TRPV4: variants seen among roughly 807,000 people sequenced by gnomAD.
The protein encoded by TRPV4 is transient receptor potential cation channel subfamily V member 4.
A neutral mutation model predicts 84.1 loss-of-function variants in TRPV4; 58 were observed. That is an observed-to-expected ratio of 0.69 (90% CI 0.56 to 0.86). The LOEUF is 0.86. Among genes scored for constraint, TRPV4 ranks in the 40% least tolerant of loss-of-function variants. TRPV4 has a pLI of 0.00. For synonymous variants in TRPV4, 489 were observed against 500.9 expected, an observed-to-expected ratio of 0.98 and a Z score of 0.32; for missense variants, 879 against 1,181.1, an observed-to-expected ratio of 0.74 and a Z score of 3.75.
chr12:109,786,635 G>T lies in TRPV4; in HGVS notation c.2336+75C>A. On this transcript the variant is annotated intron_variant, in intron 14 of 15. Coordinates refer to ENST00000261740, the MANE Select transcript of TRPV4 (RefSeq NM_021625.5). This position sits in a 1 kb window ranked among gnomAD's most constrained non-coding sequence, Gnocchi z 4.5. Reference sequence around the variant, plus strand: ...CCAGAAATTGCAATGGGTAGACGACGCTGGAGCAGCAGGGGCCCCGAGCCA... The same window carrying T: ...CCAGAAATTGCAATGGGTAGACGACTCTGGAGCAGCAGGGGCCCCGAGCCA... The T allele has an allele frequency of 6.3e-7, 1 of 1,590,506 alleles. No individual in the cohort carries two copies. The highest frequency in any genetic ancestry group is 8.6e-7 in the Non-Finnish European group (1 of 1,167,050).
In TRPV4 at chr12:109,802,766, T is replaced by A. The variant is rs1592845787; in HGVS notation, c.712+225A>T. Among the ~76,000 whole-genome samples the A allele has an allele frequency of 2.0e-5, 3 of 152,264 alleles. No homozygotes were observed. The South Asian group carries it at 6.2e-4, about 32-fold the overall frequency. Reference sequence around the variant, plus strand: ...CCACCGCACCCAGTGGAATCTTCTATTCTGAAACTCGAAACAAAGTTGGAA... The same window carrying A: ...CCACCGCACCCAGTGGAATCTTCTAATCTGAAACTCGAAACAAAGTTGGAA... On this transcript the variant is annotated intron_variant, in intron 4 of 15. Coordinates refer to ENST00000261740, the MANE Select transcript of TRPV4 (RefSeq NM_021625.5).
rs545350094 is a variant in TRPV4, at chr12:109,787,659, G to A, written c.2208+741C>T. ...AATGAAGTAAGCAATATAGATAAAGGTTAAGAGCAGGCCAGAGCTGTTTCC... is the reference window on the plus strand; with the variant it reads ...AATGAAGTAAGCAATATAGATAAAGATTAAGAGCAGGCCAGAGCTGTTTCC... On this transcript the variant is annotated intron_variant, in intron 13 of 15. Coordinates refer to ENST00000261740, the MANE Select transcript of TRPV4 (RefSeq NM_021625.5). Among the ~76,000 whole-genome samples the A allele has an allele frequency of 2.6e-5, 4 of 152,294 alleles. No homozygotes were observed. The South Asian group carries it at 8.3e-4, about 32-fold the overall frequency.
At chr12:109,830,511 A>C (rs373933609) in intron 1 of TRPV4, among the ~76,000 whole-genome samples, 20 of 152,350 alleles carry the variant, frequency 1.3e-4, no homozygotes, top group East Asian at 3.9e-4. Flanking sequence ...ACTTATCTCA[A>C]GAGATCGGAA....
At chr12:109,830,738 G>A (rs550033601) in intron 1 of TRPV4, among the ~76,000 whole-genome samples, 14 of 152,310 alleles carry the variant, frequency 9.2e-5, no homozygotes, top group African/African-American at 3.4e-4. Flanking sequence ...TCAAGGGCCT[G>A]CATGGAGTAG....
Position 109,788,565 on chromosome 12 carries a change from G to A in TRPV4, c.2043C>T (p.Gly681=), listed in dbSNP as rs375633647. 443 of 1,614,244 alleles carry A rather than the reference G, an allele frequency of 2.7e-4. 1 individual carries two copies. Among genetic ancestry groups the A allele is most frequent in the Middle Eastern group, 3.3e-4 (2 of 6,062 alleles). The stretch of plus-strand genomic sequence containing the variant: ...TGGTGCTGCTCAGCATCTCCAGGTC[G>A]CCCATGCCGATGGTCAGCTTAAACA... The part of the protein sequence containing the change: ...LDLFKLTIGM[G]DLEMLSSTKY... The change falls in exon 13 of 16, where the codon GGC becomes GGT. Residue 681 remains glycine, a synonymous_variant. Coordinates refer to ENST00000261740, the MANE Select transcript of TRPV4 (RefSeq NM_021625.5).
At chr12:109,820,970 G>A (rs1292701567) in intron 1 of TRPV4, among the ~76,000 whole-genome samples, 6 of 152,204 alleles carry the variant, frequency 3.9e-5, no homozygotes, top group Non-Finnish European at 8.8e-5. Context: ...AAAGGCGGTG[G>A]AGGTCTCTGG....
At chr12:109,823,691 T>A (rs1892172986) in intron 1 of TRPV4, among the ~76,000 whole-genome samples, 1 of 151,650 alleles carries the variant, frequency 6.6e-6, no homozygotes, top group Admixed American at 6.6e-5. Context: ...AGAGTCCTTT[T>A]TTGGGGTGAT....
rs140010635 is a variant in TRPV4 at position 109,786,586 on chromosome 12, G to A, written c.2336+124C>T. ...CGCCTGGTGGAAATGAACTCTGCTCGGGCCTCTTGGGGCCTCAGTGGCTCC... is the reference window on the plus strand; with the variant it reads ...CGCCTGGTGGAAATGAACTCTGCTCAGGCCTCTTGGGGCCTCAGTGGCTCC... On this transcript the variant is annotated intron_variant, in intron 14 of 15. Coordinates refer to ENST00000261740, the MANE Select transcript of TRPV4 (RefSeq NM_021625.5). This position sits in a 1 kb window ranked among gnomAD's most constrained non-coding sequence, Gnocchi z 4.5. 924 of 1,276,308 alleles carry A rather than the reference G, an allele frequency of 7.2e-4. 5 individuals are homozygous for A. The African/African-American group carries it at 0.012, about 17-fold the overall frequency. 79.1% of individuals were successfully genotyped at this position (1,276,308 alleles called of 1,614,324 possible).
intron 13 of TRPV4, 43 bp downstream of exon 13, chr12:109,788,357 G>T: frequency 6.3e-7 from 1 of 1,588,990 alleles, no homozygotes; most frequent in South Asian, 1.1e-5. Context: ...TCGGAAGGAC[G>T]AGGGTGGCTG....
In TRPV4 at chr12:109,814,569, G is replaced by A. The variant is rs756080811; in HGVS notation, c.228C>T (p.Arg76=). 3 of 1,614,104 alleles carry A rather than the reference G, an allele frequency of 1.9e-6. No homozygotes were observed. The South Asian group carries it at 3.3e-5, about 18-fold the overall frequency. The change falls in exon 2 of 16, where the codon CGC becomes CGT. Residue 76 remains arginine, a synonymous_variant. Coordinates refer to ENST00000261740, the MANE Select transcript of TRPV4 (RefSeq NM_021625.5). This position sits in a 1 kb window ranked among gnomAD's most constrained non-coding sequence, Gnocchi z 5.4. ...GATCGATGGGGTTGGGCACCCCCTT[G>A]CGGAAGGCGCCCTGGAACTTCATGC... ...NLRMKFQGAF[R]KGVPNPIDLL...
chr12:109,827,678 AC>A (rs1892297597), intron 1 of TRPV4, among the ~76,000 whole-genome samples: 1 of 151,740 alleles, frequency 6.6e-6, no homozygotes, highest in Non-Finnish European at 1.5e-5. Flanking sequence ...ACACACATGC[AC>A]ACATAGACAT....
Position 109,831,966 on chromosome 12 carries a change from T to C in TRPV4, c.-32+1384A>G, listed in dbSNP as rs557649443. On this transcript the variant is annotated intron_variant, in intron 1 of 15. Transcript: ENST00000261740. ...ACTAGAGAAATGTGGAAATGGCCAA[T>C]TGACTTTTTTCACCCTCTTTGTTAA... Among the ~76,000 whole-genome samples the C allele has an allele frequency of 2.1e-4, 32 of 152,346 alleles. 1 individual carries two copies. The highest frequency in any genetic ancestry group is 7.5e-4 in the African/African-American group (31 of 41,586).
chr12:109,789,350 G>A (rs1889896172), intron 12 of TRPV4, among the ~76,000 whole-genome samples: 1 of 152,120 alleles, frequency 6.6e-6, no homozygotes. Flanking sequence ...AATAGTGTTG[G>A]GAAATCCTAA....
Position 109,783,521 on chromosome 12 carries a change from G to A in TRPV4, c.*100C>T. ...CACCTCCACTGGTCCCTCGCCTCTG[G>A]GGCCAAAGCAGGGTGTGGGGGGACA... On this transcript the variant is annotated 3_prime_UTR_variant, in exon 16 of 16. Transcript: ENST00000261740. The surrounding 1 kb of genome is among the most constrained non-coding windows in gnomAD (Gnocchi z 4.6). 1 of 1,492,756 alleles carries A rather than the reference G, an allele frequency of 6.7e-7. No individual in the cohort carries two copies. The allele number at this position is 1,492,756 out of a possible 1,614,324, so 92.5% of individuals were successfully genotyped here. A position where few individuals can be genotyped will look rare whatever the true frequency, so the allele number is the denominator to read the frequency against.
intron 6 of TRPV4, among the ~76,000 whole-genome samples, chr12:109,797,608 T>C (rs1222181999): frequency 6.6e-6 from 1 of 152,196 alleles, no homozygotes; most frequent in Admixed American, 6.5e-5. Flanking sequence ...CACGAGCCAC[T>C]GAGCCTAGCC....
In TRPV4 at chr12:109,795,650, A is replaced by G. The variant is rs193117947; in HGVS notation, c.1332+875T>C. Among the ~76,000 whole-genome samples, 10 of 152,370 alleles carry G rather than the reference A, an allele frequency of 6.6e-5. No homozygotes were observed. In the East Asian group the frequency reaches 1.7e-3, roughly 26 times the overall value. On this transcript the variant is annotated intron_variant, in intron 7 of 15. Coordinates refer to ENST00000261740, the MANE Select transcript of TRPV4 (RefSeq NM_021625.5). ...GTTCATTTGAATATGGTATGTTTAC[A>G]TGCAGCGACAATATTACCAAAGAAT...
intron 13 of TRPV4, among the ~76,000 whole-genome samples, chr12:109,787,292 T>C (rs755631311): frequency 6.6e-6 from 1 of 152,170 alleles, no homozygotes; most frequent in Non-Finnish European, 1.5e-5. Context: ...AGTTTTTTGT[T>C]GTTGTTGTTG....
Position 109,812,084 on chromosome 12 carries a change from A to G in TRPV4, c.386+2327T>C, listed in dbSNP as rs77843484. Among the ~76,000 whole-genome samples the G allele has an allele frequency of 9.5e-4, 144 of 152,320 alleles. 1 individual carries two copies. The East Asian group carries it at 0.027, about 28-fold the overall frequency. ...CCTAAAGGACCAGGAGGGAGGGCTC[A>G]ACCTCACAAAGCAGGGAGTCTGCAG... On this transcript the variant is annotated intron_variant, in intron 2 of 15. Coordinates refer to ENST00000261740, the MANE Select transcript of TRPV4 (RefSeq NM_021625.5).
Position 109,814,928 on chromosome 12 carries a change from T to C in TRPV4, c.-31-101A>G. 8.6e-7 allele frequency: 1 copy of C among 1,164,484 alleles called. No homozygotes were observed. Among genetic ancestry groups the C allele is most frequent in the Admixed American group, 2.4e-5 (1 of 41,322 alleles). 72.1% of individuals were successfully genotyped at this position (1,164,484 alleles called of 1,614,324 possible). ...ACAAGCAGCAGTGCTGCCAGCTGCT[T>C]CAAAGCCACCGTTGTAATGACAGGG... On this transcript the variant is annotated intron_variant, in intron 1 of 15. Coordinates refer to ENST00000261740, the MANE Select transcript of TRPV4 (RefSeq NM_021625.5). This position sits in a 1 kb window ranked among gnomAD's most constrained non-coding sequence, Gnocchi z 5.4.
Sources: gnomAD v4.1 joint callset for allele counts (sites outside exome capture counted in the v4.1 genomes callset) on GRCh38, gnomAD v4.1.1 for gene constraint, Gnocchi (gnomAD v3.1) non-coding constraint, MANE v1.5 for transcripts, NCBI Gene and HGNC (gene_info 2026-07-23, HGNC 2026-07-21) for gene names.